SERPINE2: variants seen among roughly 807,000 people sequenced by gnomAD.
SERPINE2 encodes serpin family E member 2.
SERPINE2 carries 14 observed loss-of-function variants against 36.3 expected under a neutral mutation model. That is an observed-to-expected ratio of 0.39 (90% CI 0.25 to 0.60). The LOEUF is 0.60. SERPINE2 is among the 20% of genes least tolerant of loss of function. The pLI, the probability that SERPINE2 is intolerant of heterozygous loss-of-function variation, is 0.57. For synonymous variants in SERPINE2, 192 were observed against 191.8 expected (o/e 1.00, Z -0.01); for missense variants, 418 against 499.6 (o/e 0.84, Z 1.56).
intron 1 of SERPINE2, 126 bp downstream of exon 1, chr2:224,038,973 C>T (rs1260274782): frequency 6.5e-6 from 1 of 154,090 alleles, no homozygotes; most frequent in Non-Finnish European, 1.4e-5. Context: ...TCCCGCTGGC[C>T]CCGCAGCTTC....
intron 1 of SERPINE2, among the ~76,000 whole-genome samples, chr2:224,023,521 TA>T: frequency 6.6e-6 from 1 of 152,296 alleles, no homozygotes; most frequent in South Asian, 2.1e-4. Context: ...GAGAAGGAAG[TA>T]AGGGAAAGGA....
intron 1 of SERPINE2, among the ~76,000 whole-genome samples, chr2:224,014,566 T>C (rs1042377413): frequency 1.3e-5 from 2 of 152,148 alleles, no homozygotes; most frequent in African/African-American, 4.8e-5. Flanking sequence ...GGAATGTGTG[T>C]TCTCTTGTGC....
At chr2:224,003,968 C>T (rs1035829359) in intron 1 of SERPINE2, among the ~76,000 whole-genome samples, 4 of 152,184 alleles carry the variant, frequency 2.6e-5, no homozygotes, top group Admixed American at 6.5e-5. Context: ...CAGTGTTAGG[C>T]AAAACTGGCC....
At chr2:224,010,306 T>C in intron 1 of SERPINE2, 7 of 980,674 alleles carry the variant, frequency 7.1e-6, no homozygotes, top group Non-Finnish European at 8.5e-6. Context: ...ACTAATTAAT[T>C]TGGCCAAAAA....
intron 1 of SERPINE2, among the ~76,000 whole-genome samples, chr2:224,002,652 C>G (rs1691230955): frequency 7.4e-6 from 1 of 135,782 alleles, no homozygotes; most frequent in African/African-American, 2.7e-5. Flanking sequence ...GCCAACTCGT[C>G]TGGCAATTTT....
At chr2:223,999,700 T>C (rs1055134149) in intron 2 of SERPINE2, among the ~76,000 whole-genome samples, 3 of 152,128 alleles carry the variant, frequency 2.0e-5, no homozygotes, top group African/African-American at 4.8e-5. Context: ...GAGGCAGTGG[T>C]GGATGGCCAA....
intron 5 of SERPINE2, among the ~76,000 whole-genome samples, chr2:223,984,288 G>A (rs891816308): frequency 3.3e-5 from 5 of 152,162 alleles, no homozygotes; most frequent in Non-Finnish European, 4.4e-5. Context: ...CTTACTCTTA[G>A]GGTATAATAG....
At chr2:224,001,254 T>G in intron 2 of SERPINE2, among the ~76,000 whole-genome samples, 1 of 152,120 alleles carries the variant, frequency 6.6e-6, no homozygotes, top group Non-Finnish European at 1.5e-5. Context: ...CCCTGGGCCC[T>G]CCACAGCCAC....
intron 1 of SERPINE2, chr2:224,031,025 A>G (rs906130072): frequency 2.0e-6 from 2 of 985,244 alleles, no homozygotes; most frequent in African/African-American, 3.5e-5. Flanking sequence ...TTGTGATACT[A>G]GGGCTATCAC....
intron 1 of SERPINE2, among the ~76,000 whole-genome samples, chr2:224,015,683 T>C (rs1373546419): frequency 6.6e-6 from 1 of 152,176 alleles, no homozygotes; most frequent in East Asian, 1.9e-4. Flanking sequence ...CATGGCTCTC[T>C]TTCTCACCAC....
At chr2:223,980,547 G>T (rs921791929) in intron 6 of SERPINE2, 150 bp from the exon 7 acceptor site, 2 of 618,304 alleles carry the variant, frequency 3.2e-6, no homozygotes, top group Admixed American at 5.1e-5. Context: ...GGTGTTGAAG[G>T]CTGCAGACAG....
At chr2:224,015,075 T>A (rs1048773947) in intron 1 of SERPINE2, among the ~76,000 whole-genome samples, 3 of 150,898 alleles carry the variant, frequency 2.0e-5, no homozygotes, top group Admixed American at 2.0e-4. Flanking sequence ...TGCCGTGGCA[T>A]CTGCTAGGTG....
intron 6 of SERPINE2, 194 bp from the exon 7 acceptor site, chr2:223,980,591 A>G (rs1302850845): frequency 1.8e-6 from 1 of 559,998 alleles, no homozygotes; most frequent in Non-Finnish European, 3.2e-6. Context: ...CTGCTAAGTG[A>G]ACTGTGATAC....
At position 224,028,979 on chromosome 2, in the gene SERPINE2, T is replaced by C. The variant is rs182116663; in HGVS notation, c.-23+10120A>G. On this transcript the variant is annotated intron_variant, in intron 1 of 8. Coordinates refer to ENST00000409304, the MANE Select transcript of SERPINE2 (RefSeq NM_001136528.2). ...AAATTTTAGGCTAAGAAGTGACATA[T>C]GCATTGGAAAAACTATGTCTTCATA... 5.6e-4 allele frequency among the ~76,000 whole-genome samples: 86 copies of C among 152,360 alleles called. 1 individual carries two copies. Among genetic ancestry groups the C allele is most frequent in the Middle Eastern group, 6.8e-3 (2 of 294 alleles).
At chr2:224,006,741 A>G (rs1691439737) in intron 1 of SERPINE2, among the ~76,000 whole-genome samples, 1 of 152,228 alleles carries the variant, frequency 6.6e-6, no homozygotes, top group Non-Finnish European at 1.5e-5. Context: ...TTCTAAAAAT[A>G]TTTTTAGCAA....
At chr2:223,987,790 A>G (rs1574815579) in intron 4 of SERPINE2, among the ~76,000 whole-genome samples, 1 of 152,304 alleles carries the variant, frequency 6.6e-6, no homozygotes, top group Non-Finnish European at 1.5e-5. Flanking sequence ...TTTAAGTGCT[A>G]CTAGGGAAGA....
intron 7 of SERPINE2, chr2:223,978,586 A>C (rs1261727973): frequency 6.6e-6 from 1 of 152,178 alleles, no homozygotes; most frequent in East Asian, 1.9e-4. Context: ...TCCATTTAAT[A>C]AGCCTGAACC....
intron 1 of SERPINE2, among the ~76,000 whole-genome samples, chr2:224,026,134 G>A (rs1027632108): frequency 3.9e-5 from 6 of 152,164 alleles, no homozygotes; most frequent in African/African-American, 1.2e-4. Flanking sequence ...TGACAAGTAC[G>A]TGACCTTAGC....
chr2:224,004,355 G>A (rs1220667798), intron 1 of SERPINE2, among the ~76,000 whole-genome samples: 1 of 152,176 alleles, frequency 6.6e-6, no homozygotes, highest in Non-Finnish European at 1.5e-5. Context: ...TGAAACAAGC[G>A]CTTTTCTAAA....
Sources: allele counts gnomAD v4.1 joint callset (sites outside exome capture counted in the v4.1 genomes callset), GRCh38; gene constraint gnomAD v4.1.1; transcripts MANE v1.5; gene names NCBI Gene and HGNC (gene_info 2026-07-23, HGNC 2026-07-21).